Variants in RGS7 observed in about 807,000 individuals in gnomAD.
RGS7 encodes the protein regulator of G-protein signaling 7.
Under a neutral mutation model 81.1 loss-of-function variants are expected in RGS7, and 27 were observed. The observed-to-expected ratio is 0.33, with a 90% CI of 0.25 to 0.46. The LOEUF (loss-of-function observed/expected upper bound fraction) is 0.46. Among genes scored for constraint, RGS7 ranks in the 20% least tolerant of loss-of-function variants. The pLI, the probability that RGS7 is intolerant of heterozygous loss-of-function variation, is 1.00. For missense variants in RGS7, 396 were observed against 607.4 expected (o/e 0.65, Z 3.66); for synonymous variants, 208 against 207.7 (o/e 1.00, Z -0.01).
chr1:241,089,063 C>CTCTCTCTCTCTCTCTATATATA (rs1374552672), intron 3 of RGS7, among the ~76,000 whole-genome samples: 1 of 23,680 alleles, frequency 4.2e-5, no homozygotes, highest in African/African-American at 2.3e-4. Flanking sequence ...CTCTCTCTCT[C>CTCTCTCTCTCTCTCTATATATA]TATATATATA....
At chr1:241,252,005 G>A (rs1450489120) in intron 2 of RGS7, among the ~76,000 whole-genome samples, 1 of 151,846 alleles carries the variant, frequency 6.6e-6, no homozygotes, top group African/African-American at 2.4e-5. Context: ...CATAAGCAGA[G>A]GCCAAGAAGA....
At chr1:241,256,500 A>G (rs1879741) in intron 2 of RGS7, among the ~76,000 whole-genome samples, 90,390 of 151,934 alleles carry the variant, frequency 0.59, 26,935 homozygotes, top group Admixed American at 0.68. Flanking sequence ...TTCTTCAAGC[A>G]ACTGTCATAC....
At position 241,158,072 on chromosome 1, in the gene RGS7, G is replaced by A. The variant is rs982821536; in HGVS notation, c.79-59310C>T. ...CTGACCTTATGATCCGCCCGCCTCA[G>A]TCTCCCAAAGTGCTGGAATTACAGG... On this transcript the variant is annotated intron_variant, in intron 2 of 18. Transcript: ENST00000440928. Among the ~76,000 whole-genome samples the A allele has an allele frequency of 8.4e-4, 127 of 151,898 alleles. 1 individual carries two copies. Among genetic ancestry groups the A allele is most frequent in the Non-Finnish European group, 1.0e-4 (7 of 67,994 alleles).
chr1:240,834,563 T>G (rs917435331), intron 9 of RGS7, among the ~76,000 whole-genome samples: 10 of 152,168 alleles, frequency 6.6e-5, no homozygotes, highest in Admixed American at 1.3e-4. Context: ...CAGACTGGAG[T>G]GCAGGGGCGT....
At chr1:241,207,853 G>C (rs1210352750) in intron 2 of RGS7, among the ~76,000 whole-genome samples, 2 of 152,146 alleles carry the variant, frequency 1.3e-5, no homozygotes, top group African/African-American at 2.4e-5. Context: ...TTAAAATGCA[G>C]GCTGACACTT....
intron 2 of RGS7, among the ~76,000 whole-genome samples, chr1:241,320,375 C>T (rs2081139566): frequency 6.6e-6 from 1 of 152,198 alleles, no homozygotes; most frequent in Non-Finnish European, 1.5e-5. Context: ...CAACAGTAAG[C>T]ACTATCACAC....
chr1:241,147,792 A>G lies in RGS7; in HGVS notation c.79-49030T>C, dbSNP rs1455268456. 1.8e-5 allele frequency among the ~76,000 whole-genome samples: 2 copies of G among 112,322 alleles called. 1 individual carries two copies. Among genetic ancestry groups the G allele is most frequent in the Non-Finnish European group, 3.6e-5 (2 of 56,212 alleles). The allele number at this position is 112,322 out of a possible 152,430, so 73.7% of individuals were successfully genotyped here. On this transcript the variant is annotated intron_variant, in intron 2 of 18. Coordinates refer to ENST00000440928, the MANE Select transcript of RGS7 (RefSeq NM_001364886.1). ...TCTAGATTAAGTTTTATATATATATATATATATATATATATATATATATAT... is the reference window on the plus strand; with the variant it reads ...TCTAGATTAAGTTTTATATATATATGTATATATATATATATATATATATAT...
chr1:240,898,713 A>C (rs919489525), intron 6 of RGS7, among the ~76,000 whole-genome samples: 8 of 152,178 alleles, frequency 5.3e-5, no homozygotes, highest in African/African-American at 1.9e-4. Flanking sequence ...CTATGTGGTC[A>C]ATTTTGGAAT....
intron 2 of RGS7, among the ~76,000 whole-genome samples, chr1:241,265,862 T>C (rs1455619771): frequency 1.6e-4 from 23 of 140,170 alleles, no homozygotes; most frequent in Admixed American, 3.0e-4. Context: ...CGGCGCAATC[T>C]CGGCTCAACG....
intron 3 of RGS7, among the ~76,000 whole-genome samples, chr1:241,081,164 A>G (rs2063108957): frequency 6.6e-6 from 1 of 152,112 alleles, no homozygotes; most frequent in South Asian, 2.1e-4. Context: ...ATTATTTTTC[A>G]TAAATGTATT....
Position 241,224,986 on chromosome 1 carries a change from T to G in RGS7, c.79-126224A>C, listed in dbSNP as rs115924118. On this transcript the variant is annotated intron_variant, in intron 2 of 18. Transcript: ENST00000440928. ...GGGATAATGTACAAGGAAAAATGTG[T>G]TTTTTTTTTCTTTTAAAAAAATTTT... 1.3e-3 allele frequency among the ~76,000 whole-genome samples: 195 copies of G among 149,434 alleles called. 2 individuals are homozygous for G. The highest frequency in any genetic ancestry group is 0.01 in the East Asian group (53 of 5,078).
At chr1:241,333,404 A>G (rs529456960) in intron 2 of RGS7, among the ~76,000 whole-genome samples, 5 of 152,298 alleles carry the variant, frequency 3.3e-5, no homozygotes, top group Non-Finnish European at 5.9e-5. Context: ...ATGTATTCAA[A>G]ATGACATCTA....
intron 2 of RGS7, among the ~76,000 whole-genome samples, chr1:241,257,504 A>C (rs889137900): frequency 5.3e-5 from 8 of 152,228 alleles, no homozygotes; most frequent in African/African-American, 1.7e-4. Flanking sequence ...TTGTGCCAAA[A>C]TTAACCAGTC....
At chr1:240,815,403 C>G (rs1421729567) in intron 11 of RGS7, among the ~76,000 whole-genome samples, 1 of 152,018 alleles carries the variant, frequency 6.6e-6, no homozygotes, top group Non-Finnish European at 1.5e-5. Flanking sequence ...ATACCTAAAT[C>G]CAGAATCATA....
intron 18 of RGS7, among the ~76,000 whole-genome samples, chr1:240,793,403 G>A (rs1686347707): frequency 1.3e-5 from 2 of 151,900 alleles, no homozygotes; most frequent in Admixed American, 6.6e-5. Flanking sequence ...AATAAAATAA[G>A]ATGGATAGCC....
At chr1:240,791,417 CAT>C (rs1685984850) in intron 18 of RGS7, among the ~76,000 whole-genome samples, 1 of 152,286 alleles carries the variant, frequency 6.6e-6, no homozygotes, top group African/African-American at 2.4e-5. Flanking sequence ...TAGATATACA[CAT>C]AATATATCCA....
chr1:241,248,402 A>G (rs547454964), intron 2 of RGS7, among the ~76,000 whole-genome samples: 80 of 147,650 alleles, frequency 5.4e-4, no homozygotes, highest in African/African-American at 9.6e-4. Flanking sequence ...ATACATATGT[A>G]TATATATATA....
chr1:240,790,064 C>T (rs1685724196), intron 18 of RGS7, among the ~76,000 whole-genome samples: 1 of 152,022 alleles, frequency 6.6e-6, no homozygotes, highest in Admixed American at 6.6e-5. Flanking sequence ...AGAAAAGAAC[C>T]TATGTGAAAT....
intron 2 of RGS7, among the ~76,000 whole-genome samples, chr1:241,254,151 G>A (rs2076952678): frequency 1.4e-5 from 2 of 144,216 alleles, no homozygotes; most frequent in Admixed American, 1.4e-4. Flanking sequence ...AGTGAGCCAA[G>A]ATGGCGCCAC....
Sources: gnomAD v4.1 joint callset for allele counts (sites outside exome capture counted in the v4.1 genomes callset) on GRCh38, gnomAD v4.1.1 for gene constraint, MANE v1.5 for transcripts, NCBI Gene and HGNC (gene_info 2026-07-23, HGNC 2026-07-21) for gene names.